POLA1: variants seen among roughly 807,000 people sequenced by gnomAD.
POLA1 encodes the protein DNA polymerase alpha 1, catalytic subunit.
In POLA1, 15 loss-of-function variants were observed where a neutral mutation model predicts 124.0. The ratio of observed to expected loss-of-function variants is 0.12; its 90% CI spans 0.08 to 0.19. The LOEUF (loss-of-function observed/expected upper bound fraction) is 0.19. Ranked by LOEUF, POLA1 falls within the 10% of genes least tolerant of loss-of-function variation. The probability of loss-of-function intolerance (pLI) is 1.00; values close to 1 mark genes in which losing one functional copy is unlikely to be tolerated. For synonymous variants in POLA1, 408 were observed against 389.4 expected (o/e 1.05, Z -0.56); for missense variants, 886 against 1,103.4 (o/e 0.80, Z 2.79).
Position 24,930,373 on chromosome X carries a change from G to A in POLA1, c.4165-80G>A, listed in dbSNP as rs2047757175. 24 of 649,381 alleles carry A rather than the reference G, an allele frequency of 3.7e-5. 1 individual carries two copies. The South Asian group carries it at 5.2e-4, about 14-fold the overall frequency. The allele number at this position is 649,381 out of a possible 1,213,427, so 53.5% of individuals were successfully genotyped here. A position where few individuals can be genotyped will look rare whatever the true frequency, so the allele number is the denominator to read the frequency against. The stretch of plus-strand genomic sequence containing the variant: ...GCTTGATTTGGAAGTTGAAAGTAGG[G>A]GATACACTCTGCTGAGAGTGATCCC... On this transcript the variant is annotated intron_variant, in intron 35 of 36. Coordinates refer to ENST00000379068, the MANE Select transcript of POLA1 (RefSeq NM_001330360.2).
intron 1 of POLA1, among the ~76,000 whole-genome samples, chrX:24,696,481 A>G (rs753797707): frequency 7.2e-5 from 8 of 111,814 alleles, no homozygotes; most frequent in Admixed American, 9.5e-5. Flanking sequence ...AATCTTTTAA[A>G]ACCCATGCCC....
chrX:24,804,490 C>T (rs1569318222), intron 26 of POLA1, among the ~76,000 whole-genome samples: 1 of 111,655 alleles, frequency 9.0e-6, no homozygotes, highest in Non-Finnish European at 1.9e-5. Flanking sequence ...TTTATATCAT[C>T]GGTAATGGAA....
At chrX:24,820,622 T>C (rs769268412) in intron 30 of POLA1, among the ~76,000 whole-genome samples, 1 of 111,597 alleles carries the variant, frequency 9.0e-6, no homozygotes, top group East Asian at 2.8e-4. Context: ...TGATTTCTTC[T>C]CTCAGGTGGA....
intron 34 of POLA1, among the ~76,000 whole-genome samples, chrX:24,868,726 G>A (rs2046827013): frequency 8.9e-6 from 1 of 111,927 alleles, no homozygotes; most frequent in South Asian, 3.7e-4. Context: ...TCATTGAGTT[G>A]TTTGCTGTGA....
At chrX:24,932,868 A>T (rs758044719) in intron 36 of POLA1, among the ~76,000 whole-genome samples, 1 of 111,898 alleles carries the variant, frequency 8.9e-6, no homozygotes, top group African/African-American at 3.2e-5. Context: ...GCATTTTCAG[A>T]TCATGCAGTA....
intron 34 of POLA1, among the ~76,000 whole-genome samples, chrX:24,856,793 A>G (rs929882234): frequency 2.7e-5 from 3 of 109,836 alleles, no homozygotes; most frequent in African/African-American, 1.0e-4. Flanking sequence ...CCTTATATCC[A>G]CTTTGGTGAA....
chrX:24,991,095 C>A (rs1284799960), intron 36 of POLA1, among the ~76,000 whole-genome samples: 1 of 111,505 alleles, frequency 9.0e-6, no homozygotes, highest in Non-Finnish European at 1.9e-5. Context: ...AGCATTTAAC[C>A]CGAGTCCCCT....
chrX:24,728,848 G>A (rs1182223498), intron 15 of POLA1, among the ~76,000 whole-genome samples: 1 of 111,968 alleles, frequency 8.9e-6, no homozygotes, highest in African/African-American at 3.2e-5. Flanking sequence ...GGCCTGCAAA[G>A]CCTAAAATAT....
intron 34 of POLA1, among the ~76,000 whole-genome samples, chrX:24,844,800 A>T (rs768166673): frequency 8.9e-6 from 1 of 111,888 alleles, no homozygotes; most frequent in African/African-American, 3.2e-5. Context: ...TGAACAGTGG[A>T]TGGGAATAAA....
chrX:24,872,695 G>GT (rs1196487196), intron 34 of POLA1, among the ~76,000 whole-genome samples: 1 of 111,342 alleles, frequency 9.0e-6, no homozygotes, highest in Non-Finnish European at 1.9e-5. Flanking sequence ...GTTGCATTTT[G>GT]TTTTTTAAAA....
intron 30 of POLA1, among the ~76,000 whole-genome samples, chrX:24,820,078 C>A (rs2046062915): frequency 8.9e-6 from 1 of 111,770 alleles, no homozygotes; most frequent in Non-Finnish European, 1.9e-5. Context: ...TGGGTTGGTT[C>A]CAAGTCTTTG....
At chrX:24,877,618 G>A (rs911423493) in intron 34 of POLA1, among the ~76,000 whole-genome samples, 3 of 111,872 alleles carry the variant, frequency 2.7e-5, no homozygotes, top group East Asian at 2.8e-4. Flanking sequence ...GTGCTAAGGC[G>A]TTTGCCACAG....
At chrX:24,849,375 C>T (rs943955065) in intron 34 of POLA1, among the ~76,000 whole-genome samples, 28 of 112,724 alleles carry the variant, frequency 2.5e-4, no homozygotes, top group African/African-American at 8.4e-4. Flanking sequence ...TATTTATTTT[C>T]GCTTCATAGT....
chrX:24,703,123 A>G, intron 2 of POLA1, 128 bp from the exon 3 acceptor site: 1 of 464,046 alleles, frequency 2.2e-6, no homozygotes, highest in South Asian at 3.4e-5. Flanking sequence ...GTCAGAACTC[A>G]TGATTTGGTT....
intron 34 of POLA1, among the ~76,000 whole-genome samples, chrX:24,866,985 C>T (rs966821874): frequency 9.0e-6 from 1 of 111,216 alleles, no homozygotes; most frequent in Non-Finnish European, 1.9e-5. Flanking sequence ...TAGTATAGAT[C>T]GTAAGCTAAT....
chrX:24,986,452 G>A (rs957361963), intron 36 of POLA1, among the ~76,000 whole-genome samples: 1 of 110,627 alleles, frequency 9.0e-6, no homozygotes, highest in Non-Finnish European at 1.9e-5. Flanking sequence ...CAGAGCAAGA[G>A]TAAGACTTTG....
Position 24,717,767 on chromosome X carries a change from A to G in POLA1, c.1087+9A>G. 8.8e-7 allele frequency: 1 copy of G among 1,131,870 alleles called. No individual in the cohort carries two copies. The highest frequency in any genetic ancestry group is 2.4e-5 in the Admixed American group (1 of 41,643). The allele number at this position is 1,131,870 out of a possible 1,213,427, so 93.3% of individuals were successfully genotyped here. On this transcript the variant is annotated intron_variant, in intron 10 of 36. Transcript: ENST00000379068. ...TCAGTACAACCAACCAGGTAATCAT[A>G]TATAAGGTAACTATATGCCTTTAAC...
At chrX:24,912,084 A>T (rs1348210905) in intron 35 of POLA1, among the ~76,000 whole-genome samples, 2 of 112,471 alleles carry the variant, frequency 1.8e-5, no homozygotes. Flanking sequence ...TGGCCATTTT[A>T]TTTTTAGCAA....
At chrX:24,809,061 G>A (rs1407749552) in intron 26 of POLA1, among the ~76,000 whole-genome samples, 1 of 110,630 alleles carries the variant, frequency 9.0e-6, no homozygotes, top group Admixed American at 9.6e-5. Context: ...TAACAAGAGA[G>A]GATATTAATA....
Sources: gnomAD v4.1 joint callset for allele counts (sites outside exome capture counted in the v4.1 genomes callset) on GRCh38, gnomAD v4.1.1 for gene constraint, MANE v1.5 for transcripts, NCBI Gene and HGNC (gene_info 2026-07-23, HGNC 2026-07-21) for gene names.